Variants in TRIO observed in about 807,000 individuals in gnomAD.
TRIO encodes trio Rho guanine nucleotide exchange factor, also known as triple functional domain protein.
A neutral mutation model predicts 351.9 loss-of-function variants in TRIO; 58 were observed. The observed-to-expected ratio is 0.16, with a 90% CI of 0.13 to 0.21. The LOEUF is 0.21. TRIO is among the 10% of genes least tolerant of loss of function. TRIO has a pLI of 1.00. For synonymous variants in TRIO, 1,758 were observed against 1,595.7 expected (o/e 1.10, Z -2.42); for missense variants, 3,201 against 4,027.8 (o/e 0.79, Z 5.56).
At chr5:14,320,204 A>G (rs1170688931) in intron 9 of TRIO, among the ~76,000 whole-genome samples, 1 of 152,230 alleles carries the variant, frequency 6.6e-6, no homozygotes, top group East Asian at 1.9e-4. Context: ...ATAAATGAAT[A>G]GCTGTGTTAC....
chr5:14,285,180 G>C (rs987386234), intron 3 of TRIO, among the ~76,000 whole-genome samples: 1 of 152,312 alleles, frequency 6.6e-6, no homozygotes. Context: ...TGGAGGAGAA[G>C]TGATGGCATG....
rs772204602 is a variant in TRIO, at chr5:14,316,590, C to T, written c.1578C>T (p.Ala526=). 1 of 1,614,236 alleles carries T rather than the reference C, an allele frequency of 6.2e-7. No individual in the cohort carries two copies. The highest frequency in any genetic ancestry group is 8.5e-7 in the Non-Finnish European group (1 of 1,180,042). Residue 526 remains alanine (A), a synonymous_variant, in exon 9 of 57, where the codon GCC becomes GCT. Transcript: ENST00000344204. ...CCGGCAGCTCCGATTCCCTGACAGCCTCTGCCAACTACTCCAAGGCCGTGC... is the reference window on the plus strand; with the variant it reads ...CCGGCAGCTCCGATTCCCTGACAGCTTCTGCCAACTACTCCAAGGCCGTGC... ...LTPGSSDSLT[A]SANYSKAVHH...
At chr5:14,215,983 A>G (rs1792191928) in intron 1 of TRIO, among the ~76,000 whole-genome samples, 1 of 152,206 alleles carries the variant, frequency 6.6e-6, no homozygotes, top group African/African-American at 2.4e-5. Context: ...GATCTTAGCC[A>G]TGCTGCTTGC....
At chr5:14,282,303 A>T (rs1403426348) in intron 3 of TRIO, among the ~76,000 whole-genome samples, 1 of 152,220 alleles carries the variant, frequency 6.6e-6, no homozygotes, top group Non-Finnish European at 1.5e-5. Context: ...CAAGTCTGTG[A>T]TAATGATGGA....
chr5:14,158,799 C>G (rs1010840606), intron 1 of TRIO, among the ~76,000 whole-genome samples: 2 of 152,148 alleles, frequency 1.3e-5, no homozygotes, highest in African/African-American at 4.8e-5. Context: ...CTACTGCACT[C>G]TAGCCTGGGC....
At chr5:14,198,141 A>C (rs1231182872) in intron 1 of TRIO, among the ~76,000 whole-genome samples, 1 of 152,204 alleles carries the variant, frequency 6.6e-6, no homozygotes, top group East Asian at 1.9e-4. Flanking sequence ...CAGTCCTACC[A>C]CTCTTACTGT....
intron 1 of TRIO, among the ~76,000 whole-genome samples, chr5:14,175,559 C>A (rs1413445328): frequency 1.3e-5 from 2 of 152,178 alleles, no homozygotes; most frequent in Non-Finnish European, 2.9e-5. Flanking sequence ...GGGAACATAA[C>A]CCCAGATGGG....
chr5:14,417,557 C>T (rs770561865), intron 33 of TRIO, among the ~76,000 whole-genome samples: 2 of 152,186 alleles, frequency 1.3e-5, no homozygotes, highest in Non-Finnish European at 2.9e-5. Flanking sequence ...GCTCAGTGGA[C>T]TCCCAACAGG....
chr5:14,337,895 C>CT (rs1741572905), intron 11 of TRIO, among the ~76,000 whole-genome samples: 1 of 152,150 alleles, frequency 6.6e-6, no homozygotes, highest in Non-Finnish European at 1.5e-5. Flanking sequence ...TCTCTCGATC[C>CT]TTTCTGCCAA....
intron 28 of TRIO, among the ~76,000 whole-genome samples, chr5:14,394,351 T>C (rs528944839): frequency 8.5e-5 from 13 of 152,318 alleles, no homozygotes; most frequent in African/African-American, 2.9e-4. Context: ...TGACTGACCC[T>C]AAACATAAAA....
At chr5:14,479,435 A>C in intron 42 of TRIO, 85 bp downstream of exon 42, 5 of 1,241,354 alleles carry the variant, frequency 4.0e-6, no homozygotes. Flanking sequence ...TTGGTTTCCC[A>C]GGAGACTAAT....
In TRIO at chr5:14,393,946, G is replaced by A. The variant is rs1747333257; in HGVS notation, c.4219-92G>A. ...TTCAGCATGATTAAACAGTTGTCAG[G>A]TACAGTATTTGGAAAAGTAATGTGT... is the stretch of plus-strand genomic sequence containing the variant. On this transcript the variant is annotated intron_variant, in intron 27 of 56. Coordinates refer to ENST00000344204, the MANE Select transcript of TRIO (RefSeq NM_007118.4). 9 of 748,422 alleles carry A rather than the reference G, an allele frequency of 1.2e-5. No individual in the cohort carries two copies. The South Asian group carries it at 2.2e-4, about 18-fold the overall frequency. 46.4% of individuals were successfully genotyped at this position (748,422 alleles called of 1,614,324 possible).
chr5:14,429,714 C>T (rs1750934629), intron 34 of TRIO, among the ~76,000 whole-genome samples: 1 of 152,246 alleles, frequency 6.6e-6, no homozygotes, highest in South Asian at 2.1e-4. Context: ...AGACATGAAG[C>T]GGTATAAACT....
chr5:14,401,652 T>C (rs1579544937), intron 31 of TRIO, among the ~76,000 whole-genome samples: 1 of 152,190 alleles, frequency 6.6e-6, no homozygotes, highest in African/African-American at 2.4e-5. Flanking sequence ...GAGGAAAATA[T>C]CTTGGAATAT....
chr5:14,182,624 A>G (rs190807311), intron 1 of TRIO, among the ~76,000 whole-genome samples: 3 of 152,358 alleles, frequency 2.0e-5, no homozygotes, highest in Admixed American at 2.0e-4. Flanking sequence ...TTGGTCTGTA[A>G]GAAAATGCCA....
intron 1 of TRIO, among the ~76,000 whole-genome samples, chr5:14,164,827 A>G (rs999840921): frequency 2.0e-5 from 3 of 152,206 alleles, no homozygotes; most frequent in African/African-American, 7.2e-5. Flanking sequence ...TCTAAGTCCA[A>G]TTCAGCTCTT....
Position 14,509,388 on chromosome 5 carries a change from G to GTA in TRIO, c.*967_*968insAT. On this transcript the variant is annotated 3_prime_UTR_variant, in exon 57 of 57. Coordinates refer to ENST00000344204, the MANE Select transcript of TRIO (RefSeq NM_007118.4). ...GTGAGCTTTATGGTTTTGTGTGTGT[G>GTA]TTGGGGTTGGCGGGTGGGTGGGTAG... 1 of 425,586 alleles carries GTA rather than the reference G, an allele frequency of 2.3e-6. No individual in the cohort carries two copies. The highest frequency in any genetic ancestry group is 1.6e-5 in the South Asian group (1 of 61,838). 26.4% of individuals were successfully genotyped at this position (425,586 alleles called of 1,614,324 possible).
At chr5:14,240,436 C>T (rs1794059486) in intron 1 of TRIO, among the ~76,000 whole-genome samples, 1 of 152,184 alleles carries the variant, frequency 6.6e-6, no homozygotes, top group South Asian at 2.1e-4. Context: ...TTGAGCTAAG[C>T]TGTTACCCTG....
intron 34 of TRIO, among the ~76,000 whole-genome samples, chr5:14,425,426 G>C (rs1038227704): frequency 1.3e-5 from 2 of 152,214 alleles, no homozygotes; most frequent in South Asian, 2.1e-4. Flanking sequence ...CTTGTATGCA[G>C]ATGCCACATT....
Sources: gnomAD v4.1 joint callset for allele counts (sites outside exome capture counted in the v4.1 genomes callset) on GRCh38, gnomAD v4.1.1 for gene constraint, MANE v1.5 for transcripts, NCBI Gene and HGNC (gene_info 2026-07-23, HGNC 2026-07-21) for gene names.